Variants in TMTC2 observed in about 807,000 individuals in gnomAD.
TMTC2 encodes the protein transmembrane O-mannosyltransferase targeting cadherins 2, also known as protein O-mannosyl-transferase TMTC2.
Under a neutral mutation model 82.4 loss-of-function variants are expected in TMTC2, and 43 were observed. That is an observed-to-expected ratio of 0.52 (90% confidence interval 0.41 to 0.67). The LOEUF (loss-of-function observed/expected upper bound fraction) is 0.67, where lower values mean the gene tolerates loss of function less well. Ranked by LOEUF, TMTC2 falls within the 30% of genes least tolerant of loss-of-function variation. The probability of loss-of-function intolerance (pLI) is 0.00; values close to 1 mark genes in which losing one functional copy is unlikely to be tolerated. For synonymous variants in TMTC2, 408 were observed against 381.9 expected, an observed-to-expected ratio of 1.07 and a Z score of -0.80; for missense variants, 919 against 1,012.4, an observed-to-expected ratio of 0.91 and a Z score of 1.25.
chr12:82,905,429 G>A (rs1359413792), intron 3 of TMTC2, among the ~76,000 whole-genome samples: 1 of 152,172 alleles, frequency 6.6e-6, no homozygotes, highest in Non-Finnish European at 1.5e-5. Context: ...TTGTTTGAAA[G>A]CAATTTCTTA....
intron 2 of TMTC2, among the ~76,000 whole-genome samples, chr12:82,859,582 A>G (rs1198520282): frequency 6.6e-6 from 1 of 152,228 alleles, no homozygotes; most frequent in African/African-American, 2.4e-5. Context: ...TAGAAAATTA[A>G]TCTTTGTTTC....
chr12:82,863,517 T>C lies in TMTC2; in HGVS notation c.654+5937T>C, dbSNP rs1260972432. On this transcript the variant is annotated intron_variant, in intron 2 of 11. Transcript: ENST00000321196. ...CAGATAATACCACAAATAAAGTCAA[T>C]GTTCAAAAATATTTTACGATTCAAA... Among the ~76,000 whole-genome samples the C allele has an allele frequency of 2.0e-5, 3 of 152,330 alleles. No homozygotes were observed. The East Asian group carries it at 5.8e-4, about 29-fold the overall frequency.
intron 3 of TMTC2, among the ~76,000 whole-genome samples, chr12:82,900,942 TA>T (rs1873974290): frequency 1.1e-5 from 1 of 87,872 alleles, no homozygotes; most frequent in Non-Finnish European, 2.0e-5. Context: ...TATAGGAATA[TA>T]TATATATCTG....
At chr12:82,871,964 AT>A (rs1284908280) in intron 2 of TMTC2, among the ~76,000 whole-genome samples, 2 of 150,770 alleles carry the variant, frequency 1.3e-5, no homozygotes, top group African/African-American at 4.9e-5. Flanking sequence ...TAATTTGTGC[AT>A]TCATTATTTT....
At chr12:82,939,992 T>C (rs926171737) in intron 4 of TMTC2, among the ~76,000 whole-genome samples, 1 of 151,368 alleles carries the variant, frequency 6.6e-6, no homozygotes, top group African/African-American at 2.4e-5. Context: ...TCCAGATACA[T>C]GTATTTCTTT....
intron 4 of TMTC2, among the ~76,000 whole-genome samples, chr12:82,940,513 A>T (rs1348813124): frequency 6.6e-6 from 1 of 151,188 alleles, no homozygotes; most frequent in Non-Finnish European, 1.5e-5. Flanking sequence ...TTTTTCCTAG[A>T]TATGCGTAAT....
At chr12:83,010,460 C>G (rs2137384998) in intron 8 of TMTC2, among the ~76,000 whole-genome samples, 1 of 152,306 alleles carries the variant, frequency 6.6e-6, no homozygotes, top group African/African-American at 2.4e-5. Flanking sequence ...TCTCCTCTTC[C>G]TTAGCCCTCC....
chr12:82,794,059 G>C lies in TMTC2; in HGVS notation c.84-62951G>C, dbSNP rs375338574. On this transcript the variant is annotated intron_variant, in intron 1 of 11. Coordinates refer to ENST00000321196, the MANE Select transcript of TMTC2 (RefSeq NM_152588.3). ...CTTTACAATTTGATGGCTCCAGGGTGCTTCAGTCACTCACTTGTGACTGTT... is the reference window on the plus strand; with the variant it reads ...CTTTACAATTTGATGGCTCCAGGGTCCTTCAGTCACTCACTTGTGACTGTT... Among the ~76,000 whole-genome samples, 187 of 152,214 alleles carry C rather than the reference G, an allele frequency of 1.2e-3. 4 individuals carry two copies. The South Asian group carries it at 0.026, about 21-fold the overall frequency.
intron 3 of TMTC2, among the ~76,000 whole-genome samples, chr12:82,918,826 C>T (rs1003087891): frequency 1.3e-4 from 19 of 151,624 alleles, no homozygotes; most frequent in African/African-American, 2.7e-4. Flanking sequence ...GGTGCGATCT[C>T]GGCTCACTGC....
At chr12:82,936,321 T>A (rs1267757818) in intron 4 of TMTC2, among the ~76,000 whole-genome samples, 1 of 152,060 alleles carries the variant, frequency 6.6e-6, no homozygotes, top group East Asian at 1.9e-4. Context: ...TTAGACTTCT[T>A]ATGTATTTTT....
chr12:83,114,189 G>A (rs1884684797), intron 11 of TMTC2, among the ~76,000 whole-genome samples: 2 of 152,254 alleles, frequency 1.3e-5, no homozygotes, highest in African/African-American at 2.4e-5. Flanking sequence ...TTGGAGGTGG[G>A]GCCTTTGGGA....
intron 1 of TMTC2, among the ~76,000 whole-genome samples, chr12:82,696,394 A>G (rs1872789885): frequency 1.3e-5 from 2 of 152,244 alleles, no homozygotes; most frequent in African/African-American, 2.4e-5. Context: ...AAAGTTTTAT[A>G]CATTAAACCA....
At chr12:82,912,951 A>T (rs1874775941) in intron 3 of TMTC2, among the ~76,000 whole-genome samples, 1 of 151,590 alleles carries the variant, frequency 6.6e-6, no homozygotes, top group African/African-American at 2.4e-5. Flanking sequence ...AAAAAAAAAA[A>T]AAAAGAATGG....
At chr12:83,072,156 T>C (rs547118181) in intron 11 of TMTC2, among the ~76,000 whole-genome samples, 1 of 152,266 alleles carries the variant, frequency 6.6e-6, no homozygotes, top group African/African-American at 2.4e-5. Flanking sequence ...GCTGTGAACT[T>C]TCCTCTTAGC....
intron 4 of TMTC2, among the ~76,000 whole-genome samples, chr12:82,962,076 C>T (rs1173421326): frequency 1.3e-5 from 2 of 151,994 alleles, no homozygotes; most frequent in African/African-American, 2.4e-5. Context: ...TCCGGCCCCT[C>T]CCCACAAGAA....
intron 7 of TMTC2, among the ~76,000 whole-genome samples, chr12:82,976,799 C>T (rs576591373): frequency 1.6e-4 from 25 of 152,042 alleles, no homozygotes; most frequent in African/African-American, 6.0e-4. Flanking sequence ...TAATGCTTCT[C>T]AACACTGTGA....
intron 4 of TMTC2, among the ~76,000 whole-genome samples, chr12:82,946,373 G>A (rs1876993626): frequency 6.6e-6 from 1 of 152,186 alleles, no homozygotes; most frequent in South Asian, 2.1e-4. Flanking sequence ...AATTCCTCAT[G>A]TGTGAAGGGT....
At chr12:82,724,952 GA>G (rs1874380276) in intron 1 of TMTC2, among the ~76,000 whole-genome samples, 1 of 152,170 alleles carries the variant, frequency 6.6e-6, no homozygotes, top group South Asian at 2.1e-4. Flanking sequence ...GCGATCAGGG[GA>G]TGTGAAGGTA....
intron 1 of TMTC2, among the ~76,000 whole-genome samples, chr12:82,849,185 G>A (rs1294149070): frequency 1.3e-5 from 2 of 152,094 alleles, no homozygotes; most frequent in Non-Finnish European, 2.9e-5. Flanking sequence ...ATGCATAATG[G>A]ATCAAAGTGG....
Sources: allele counts gnomAD v4.1 joint callset (sites outside exome capture counted in the v4.1 genomes callset), GRCh38; gene constraint gnomAD v4.1.1; transcripts MANE v1.5; gene names NCBI Gene and HGNC (gene_info 2026-07-23, HGNC 2026-07-21).